RAD54L2: variants seen among roughly 807,000 people sequenced by gnomAD.
RAD54L2 encodes the protein helicase ARIP4.
RAD54L2 carries 27 observed loss-of-function variants against 138.4 expected under a neutral mutation model. The observed-to-expected ratio is 0.20, with a 90% confidence interval of 0.14 to 0.27. The LOEUF is 0.27. RAD54L2 is among the 10% of genes least tolerant of loss of function. RAD54L2 has a pLI of 1.00. For missense variants in RAD54L2, 1,396 were observed against 1,890.2 expected, an observed-to-expected ratio of 0.74 and a Z score of 4.85; for synonymous variants, 644 against 723.2, an observed-to-expected ratio of 0.89 and a Z score of 1.76.
At chr3:51,540,306 C>T (rs954566801) in intron 1 of RAD54L2, among the ~76,000 whole-genome samples, 6 of 152,286 alleles carry the variant, frequency 3.9e-5, no homozygotes, top group Admixed American at 6.5e-5. Context: ...GAAGTGAGTT[C>T]GTTGAATCTA....
At position 51,639,451 on chromosome 3, in the gene RAD54L2, C is replaced by A. The variant is rs1214846344; in HGVS notation, c.1893C>A (p.Ala631=). The A allele has an allele frequency of 3.1e-6, 5 of 1,613,936 alleles. No homozygotes were observed. ...IWNHPDVLYE[A]LQKESLANEQ... The stretch of plus-strand genomic sequence containing the variant: ...ATCACCCTGATGTGCTGTATGAAGC[C>A]CTTCAGAAGGAGAGCTTGGCCAATG... The change falls in exon 13 of 23, where the codon GCC becomes GCA. Residue 631 remains alanine, a synonymous_variant. Transcript: ENST00000684192.
At chr3:51,593,520 G>C (rs1341045097) in intron 3 of RAD54L2, among the ~76,000 whole-genome samples, 3 of 152,038 alleles carry the variant, frequency 2.0e-5, no homozygotes, top group African/African-American at 7.2e-5. Flanking sequence ...TATTAGTAGA[G>C]ACGGGGTCTC....
At chr3:51,543,917 A>T (rs1369016793) in intron 2 of RAD54L2, among the ~76,000 whole-genome samples, 1 of 152,138 alleles carries the variant, frequency 6.6e-6, no homozygotes, top group Non-Finnish European at 1.5e-5. Context: ...GCCTTCCTTG[A>T]TTGCCTCCAG....
At chr3:51,632,958 G>A (rs1449685521) in intron 7 of RAD54L2, among the ~76,000 whole-genome samples, 3 of 151,744 alleles carry the variant, frequency 2.0e-5, no homozygotes, top group Non-Finnish European at 2.9e-5. Context: ...AGTGGCTCAT[G>A]CCTGTAATCC....
intron 3 of RAD54L2, among the ~76,000 whole-genome samples, chr3:51,618,023 A>G (rs1700486837): frequency 6.6e-6 from 1 of 151,212 alleles, no homozygotes; most frequent in South Asian, 2.1e-4. Context: ...CAGTGGTGCT[A>G]TCTCGCCTCA....
chr3:51,599,481 T>G (rs1179009138), intron 3 of RAD54L2, among the ~76,000 whole-genome samples: 4 of 152,022 alleles, frequency 2.6e-5, no homozygotes, highest in African/African-American at 9.7e-5. Context: ...TAGTTTTATA[T>G]AAATAGTATA....
At chr3:51,616,573 A>G (rs1284488172) in intron 3 of RAD54L2, among the ~76,000 whole-genome samples, 1 of 152,196 alleles carries the variant, frequency 6.6e-6, no homozygotes, top group African/African-American at 2.4e-5. Flanking sequence ...CATGCCTGTA[A>G]TCCCAGCACT....
At chr3:51,580,648 G>T (rs550843176) in intron 2 of RAD54L2, among the ~76,000 whole-genome samples, 1 of 152,132 alleles carries the variant, frequency 6.6e-6, no homozygotes, top group Non-Finnish European at 1.5e-5. Flanking sequence ...CTCCCATCAC[G>T]TAGGAAATTC....
At chr3:51,544,470 T>C (rs1698634532) in intron 2 of RAD54L2, among the ~76,000 whole-genome samples, 1 of 152,226 alleles carries the variant, frequency 6.6e-6, no homozygotes, top group Non-Finnish European at 1.5e-5. Context: ...ATTGGTATTG[T>C]CTGATCTTCT....
At chr3:51,639,792 CAGTGAGCTGCTGCCTTGGAAGGA>C in intron 13 of RAD54L2, 66 bp from the exon 14 acceptor site, 1 of 1,486,470 alleles carries the variant, frequency 6.7e-7, no homozygotes, top group Non-Finnish European at 9.1e-7. Context: ...TAAAGGTGGC[CAGTGAGCTGCTGCCTTGGAAGGA>C]AATAATTTTA....
At chr3:51,607,919 C>T (rs1246228732) in intron 3 of RAD54L2, among the ~76,000 whole-genome samples, 8 of 136,636 alleles carry the variant, frequency 5.9e-5, no homozygotes, top group Admixed American at 2.1e-4. Context: ...GGCGGCTGGC[C>T]GGGCGGGGGC....
At position 51,635,755 on chromosome 3, in the gene RAD54L2, A is replaced by C; in HGVS notation, c.1305A>C (p.Leu435=). Residue 435 remains leucine (L), a synonymous_variant, in exon 10 of 23, where the codon CTA becomes CTC. Coordinates refer to ENST00000684192, the MANE Select transcript of RAD54L2 (RefSeq NM_015106.4). ...GTTCTCACCCAGTCATCATTGATCT[A>C]GATGAGGAAGATCGGCAGCAGGAGT... is the stretch of plus-strand genomic sequence containing the variant. ...KKRSHPVIID[L]DEEDRQQEFR... 4.3e-6 allele frequency: 7 copies of C among 1,612,796 alleles called. No individual in the cohort carries two copies. The highest frequency in any genetic ancestry group is 5.1e-6 in the Non-Finnish European group (6 of 1,179,518).
At chr3:51,651,244 TGAA>T (rs771463809) in intron 19 of RAD54L2, among the ~76,000 whole-genome samples, 24 of 152,212 alleles carry the variant, frequency 1.6e-4, no homozygotes, top group Middle Eastern at 6.8e-3. Flanking sequence ...AGAAAGAAGT[TGAA>T]TCCCTGAATA....
intron 7 of RAD54L2, among the ~76,000 whole-genome samples, chr3:51,631,300 TGG>T (rs950268469): frequency 6.6e-6 from 1 of 152,030 alleles, no homozygotes; most frequent in Non-Finnish European, 1.5e-5. Flanking sequence ...AGTCAGAAGA[TGG>T]GGGGACTTTC....
chr3:51,579,962 C>T (rs140597473), intron 2 of RAD54L2, among the ~76,000 whole-genome samples: 37 of 152,248 alleles, frequency 2.4e-4, no homozygotes, highest in East Asian at 1.9e-4. Flanking sequence ...CCAAACAGCA[C>T]CATGGTGTTT....
chr3:51,663,640 G>A lies in RAD54L2; in HGVS notation c.*220G>A, dbSNP rs1701846839. The A allele has an allele frequency of 5.7e-6, 3 of 524,018 alleles. No homozygotes were observed. The highest frequency in any genetic ancestry group is 1.9e-5 in the African/African-American group (1 of 51,838). 32.5% of individuals were successfully genotyped at this position (524,018 alleles called of 1,614,324 possible). On this transcript the variant is annotated 3_prime_UTR_variant, in exon 23 of 23. Transcript: ENST00000684192. The stretch of plus-strand genomic sequence containing the variant: ...AAAAGTCCAACACAGCAGCAATAGC[G>A]GGAAATCAGGGACCCAAAACAGGGA...
At chr3:51,648,749 G>C (rs1701351752) in intron 19 of RAD54L2, among the ~76,000 whole-genome samples, 1 of 152,194 alleles carries the variant, frequency 6.6e-6, no homozygotes, top group Non-Finnish European at 1.5e-5. Context: ...GAAAGGAATA[G>C]CATCAACATC....
At chr3:51,543,334 C>T (rs1036646581) in intron 2 of RAD54L2, among the ~76,000 whole-genome samples, 2 of 152,078 alleles carry the variant, frequency 1.3e-5, no homozygotes, top group Admixed American at 6.6e-5. Context: ...AATGGCCAGG[C>T]GCGGTGGCTC....
At chr3:51,644,031 G>A in intron 16 of RAD54L2, 57 bp downstream of exon 16, 1 of 1,382,534 alleles carries the variant, frequency 7.2e-7, no homozygotes, top group Non-Finnish European at 1.0e-6. Context: ...TTGGCCACCT[G>A]GGCTGGTACC....
Sources: gnomAD v4.1 joint callset for allele counts (sites outside exome capture counted in the v4.1 genomes callset) on GRCh38, gnomAD v4.1.1 for gene constraint, MANE v1.5 for transcripts, NCBI Gene and HGNC (gene_info 2026-07-23, HGNC 2026-07-21) for gene names.